Variants in CPXM2 observed in about 807,000 individuals in gnomAD.
The protein encoded by CPXM2 is inactive carboxypeptidase-like protein X2.
A neutral mutation model predicts 86.1 loss-of-function variants in CPXM2; 66 were observed. The ratio of observed to expected loss-of-function variants is 0.77; its 90% CI spans 0.63 to 0.94. CPXM2 has a LOEUF of 0.94. CPXM2 is among the 40% of genes least tolerant of loss of function. The probability of loss-of-function intolerance (pLI) is 0.00; values close to 1 mark genes in which losing one functional copy is unlikely to be tolerated. For missense variants in CPXM2, 948 were observed against 1,026.3 expected (o/e 0.92, Z 1.04); for synonymous variants, 388 against 400.2 (o/e 0.97, Z 0.36).
At chr10:123,751,430 T>C (rs2133967968) in intron 13 of CPXM2, 1 of 859,120 alleles carries the variant, frequency 1.2e-6, no homozygotes, top group Admixed American at 6.2e-5. Context: ...CAAAACGTCC[T>C]GACCTTCTAA....
At chr10:123,809,812 G>C (rs1380627620) in intron 4 of CPXM2, among the ~76,000 whole-genome samples, 1 of 152,040 alleles carries the variant, frequency 6.6e-6, no homozygotes, top group African/African-American at 2.4e-5. Context: ...TGAAATAACA[G>C]AGTGTTTTAT....
At chr10:123,836,446 G>A (rs1156574520) in intron 4 of CPXM2, among the ~76,000 whole-genome samples, 1 of 151,968 alleles carries the variant, frequency 6.6e-6, no homozygotes, top group Non-Finnish European at 1.5e-5. Flanking sequence ...TGTGCCACCA[G>A]TGCCACAACG....
chr10:123,919,021 T>C (rs1945559427), intron 2 of CPXM2, among the ~76,000 whole-genome samples: 1 of 145,902 alleles, frequency 6.9e-6, no homozygotes, highest in Admixed American at 6.9e-5. Flanking sequence ...AGGAGGCAGC[T>C]GAAGAAAGAG....
rs939649167 is a variant in CPXM2 at position 123,780,183 on chromosome 10, T to C, written c.962A>G (p.Tyr321Cys). Residue 321 changes from tyrosine (Y) to cysteine (C), a missense_variant, in exon 7 of 14, where the codon TAT becomes TGT. Coordinates refer to ENST00000241305, the MANE Select transcript of CPXM2 (RefSeq NM_198148.3). ...TDDLDFKHHN[Y>C]KEMRQLMKVV... ...GGGTCTTACCTGGCGCATTTCCTTA[T>C]AATTGTGGTGCTTAAAATCCAGGTC... 5 of 1,606,708 alleles carry C rather than the reference T, an allele frequency of 3.1e-6. No individual in the cohort carries two copies. In the Admixed American group the frequency reaches 5.0e-5, roughly 16 times the overall value.
chr10:123,867,777 C>T (rs1360513611), intron 2 of CPXM2, among the ~76,000 whole-genome samples: 1 of 152,168 alleles, frequency 6.6e-6, no homozygotes, highest in Non-Finnish European at 1.5e-5. Flanking sequence ...AGGTGATCTG[C>T]CCGCCTTGGC....
At chr10:123,873,115 C>A (rs1944920108) in intron 2 of CPXM2, among the ~76,000 whole-genome samples, 1 of 151,956 alleles carries the variant, frequency 6.6e-6, no homozygotes, top group Admixed American at 6.6e-5. Flanking sequence ...AAGGAGAAAA[C>A]AAAATTGTCA....
intron 4 of CPXM2, among the ~76,000 whole-genome samples, chr10:123,809,159 T>G (rs1456403356): frequency 6.6e-6 from 1 of 152,144 alleles, no homozygotes; most frequent in African/African-American, 2.4e-5. Context: ...TCGACTGACA[T>G]GATATGGCAG....
chr10:123,760,489 G>A (rs1846307474), intron 11 of CPXM2, among the ~76,000 whole-genome samples: 2 of 152,150 alleles, frequency 1.3e-5, no homozygotes, highest in African/African-American at 4.8e-5. Flanking sequence ...AATGGCCAGG[G>A]AAACAAGTAT....
At chr10:123,819,215 C>T (rs1306057955) in intron 4 of CPXM2, among the ~76,000 whole-genome samples, 1 of 152,164 alleles carries the variant, frequency 6.6e-6, no homozygotes, top group Non-Finnish European at 1.5e-5. Flanking sequence ...TATGCATGGA[C>T]TACGGGAGAT....
At chr10:123,859,927 G>A (rs995423449) in intron 3 of CPXM2, among the ~76,000 whole-genome samples, 1 of 152,154 alleles carries the variant, frequency 6.6e-6, no homozygotes, top group Admixed American at 6.5e-5. Context: ...TGAGGCTCCT[G>A]TGCAGCCCAG....
chr10:123,786,671 C>T (rs564391471), intron 6 of CPXM2, among the ~76,000 whole-genome samples: 1 of 152,306 alleles, frequency 6.6e-6, no homozygotes, highest in East Asian at 1.9e-4. Context: ...CATTATACCC[C>T]ATTCCTTACT....
intron 4 of CPXM2, among the ~76,000 whole-genome samples, chr10:123,817,972 T>G (rs1180796629): frequency 6.6e-6 from 1 of 152,206 alleles, no homozygotes; most frequent in African/African-American, 2.4e-5. Flanking sequence ...AATTACATAC[T>G]GATACATGGG....
At chr10:123,876,321 G>A (rs1944987090) in intron 2 of CPXM2, among the ~76,000 whole-genome samples, 1 of 152,102 alleles carries the variant, frequency 6.6e-6, no homozygotes, top group South Asian at 2.1e-4. Flanking sequence ...TACCAACATT[G>A]GGTCTATCCA....
chr10:123,797,466 T>G (rs1268093895), intron 6 of CPXM2, among the ~76,000 whole-genome samples: 1 of 152,248 alleles, frequency 6.6e-6, no homozygotes, highest in Admixed American at 6.5e-5. Flanking sequence ...CCCAGTGGGC[T>G]TATGGGAAAT....
At chr10:123,785,657 G>T (rs115817693) in intron 6 of CPXM2, among the ~76,000 whole-genome samples, 3 of 144,286 alleles carry the variant, frequency 2.1e-5, no homozygotes, top group African/African-American at 7.8e-5. Flanking sequence ...TTTTTGAGAC[G>T]CAGTCTTGCT....
At chr10:123,839,973 C>A (rs1315117967) in intron 4 of CPXM2, among the ~76,000 whole-genome samples, 2 of 152,230 alleles carry the variant, frequency 1.3e-5, no homozygotes, top group Admixed American at 6.5e-5. Flanking sequence ...AGGAAAGATA[C>A]TGTTCCACTG....
At chr10:123,931,135 C>T (rs1161298413) in intron 2 of CPXM2, among the ~76,000 whole-genome samples, 1 of 152,082 alleles carries the variant, frequency 6.6e-6, no homozygotes, top group Non-Finnish European at 1.5e-5. Context: ...CATCATCTGG[C>T]AAAGAGACTT....
At chr10:123,821,281 C>A (rs572894196) in intron 4 of CPXM2, among the ~76,000 whole-genome samples, 219 of 152,316 alleles carry the variant, frequency 1.4e-3, no homozygotes, top group African/African-American at 5.0e-3. Context: ...TCCCACTTGA[C>A]AAATCAATGT....
chr10:123,893,760 T>C (rs1182216473), upstream of CPXM2, among the ~76,000 whole-genome samples: 1 of 151,792 alleles, frequency 6.6e-6, no homozygotes, highest in African/African-American at 2.4e-5. Context: ...CAGTCTTTAG[T>C]GGTGAAACAG....
Sources: gnomAD v4.1 joint callset for allele counts (sites outside exome capture counted in the v4.1 genomes callset) on GRCh38, gnomAD v4.1.1 for gene constraint, MANE v1.5 for transcripts, NCBI Gene and HGNC (gene_info 2026-07-23, HGNC 2026-07-21) for gene names.